LRMDA: variants seen among roughly 807,000 people sequenced by gnomAD.
LRMDA encodes the protein leucine rich melanocyte differentiation associated, also known as leucine-rich melanocyte differentiation-associated protein.
LRMDA carries 18 observed loss-of-function variants against 29.8 expected under a neutral mutation model. The ratio of observed to expected loss-of-function variants is 0.60; its 90% CI spans 0.42 to 0.90. The LOEUF is 0.90. Among genes scored for constraint, LRMDA ranks in the 40% least tolerant of loss-of-function variants. The pLI is 0.00. For synonymous variants in LRMDA, 125 were observed against 109.4 expected (o/e 1.14, Z -0.89); for missense variants, 273 against 273.9 (o/e 1.00, Z 0.02).
intron 2 of LRMDA, among the ~76,000 whole-genome samples, chr10:75,923,158 T>C (rs1454281867): frequency 1.3e-5 from 2 of 152,236 alleles, no homozygotes; most frequent in African/African-American, 2.4e-5. Context: ...TCTTCCATAG[T>C]CACTGAATTT....
intron 5 of LRMDA, among the ~76,000 whole-genome samples, chr10:76,146,910 G>T (rs1412950568): frequency 6.6e-6 from 1 of 152,126 alleles, no homozygotes; most frequent in East Asian, 1.9e-4. Context: ...GCATTTGCTT[G>T]TCTGTAAAGT....
intron 2 of LRMDA, among the ~76,000 whole-genome samples, chr10:75,633,899 A>G (rs1841358395): frequency 6.6e-6 from 1 of 152,228 alleles, no homozygotes; most frequent in African/African-American, 2.4e-5. Context: ...TTAGTCAATA[A>G]AATAAAACCA....
chr10:76,551,281 G>A (rs1843491558), intron 6 of LRMDA, among the ~76,000 whole-genome samples: 1 of 151,142 alleles, frequency 6.6e-6, no homozygotes, highest in Non-Finnish European at 1.5e-5. Context: ...GTTCAATGGG[G>A]CAAATATTTA....
At chr10:75,617,707 G>T (rs1161855425) in intron 2 of LRMDA, among the ~76,000 whole-genome samples, 1 of 152,130 alleles carries the variant, frequency 6.6e-6, no homozygotes, top group Non-Finnish European at 1.5e-5. Flanking sequence ...CATTTTTCAG[G>T]ACTGCTCCAT....
At chr10:75,621,220 A>ACACACC (rs1554816448) in intron 2 of LRMDA, among the ~76,000 whole-genome samples, 7 of 132,030 alleles carry the variant, frequency 5.3e-5, no homozygotes, top group Non-Finnish European at 5.1e-5. Flanking sequence ...ACACACACAC[A>ACACACC]CACACCCACA....
intron 2 of LRMDA, among the ~76,000 whole-genome samples, chr10:75,616,249 T>TAGC (rs58265820): frequency 0.055 from 8,198 of 150,388 alleles, 536 homozygotes; most frequent in African/African-American, 0.15. Flanking sequence ...GTAGCAGCAG[T>TAGC]AGCAGCAGCA....
intron 2 of LRMDA, among the ~76,000 whole-genome samples, chr10:75,737,078 C>CAT (rs549396902): frequency 1.1e-3 from 170 of 151,454 alleles, no homozygotes; most frequent in African/African-American, 3.5e-3. Flanking sequence ...CACACACACA[C>CAT]GCACATGCAT....
intron 6 of LRMDA, among the ~76,000 whole-genome samples, chr10:76,412,246 G>A (rs1841969617): frequency 6.6e-6 from 1 of 152,198 alleles, no homozygotes; most frequent in South Asian, 2.1e-4. Flanking sequence ...CCCACATTGT[G>A]TAATTCTTAG....
chr10:75,882,488 C>T (rs1394290921), intron 2 of LRMDA, among the ~76,000 whole-genome samples: 1 of 152,104 alleles, frequency 6.6e-6, no homozygotes, highest in Non-Finnish European at 1.5e-5. Flanking sequence ...ACAGGTATCT[C>T]AAGATGGAGT....
At chr10:76,276,701 G>A (rs1208564274) in intron 5 of LRMDA, among the ~76,000 whole-genome samples, 1 of 151,866 alleles carries the variant, frequency 6.6e-6, no homozygotes, top group Non-Finnish European at 1.5e-5. Context: ...GTAATTTTTG[G>A]CTTGTATCCT....
intron 2 of LRMDA, among the ~76,000 whole-genome samples, chr10:75,918,496 G>A (rs9415132): frequency 0.038 from 5,826 of 152,030 alleles, 450 homozygotes; most frequent in East Asian, 0.34. Flanking sequence ...ACCAGATCTC[G>A]CAGGAACTCA....
chr10:76,092,791 G>T (rs1310018160), intron 5 of LRMDA, among the ~76,000 whole-genome samples: 1 of 152,188 alleles, frequency 6.6e-6, no homozygotes, highest in East Asian at 1.9e-4. Flanking sequence ...TATTAAGGAA[G>T]TTGTGCAGGG....
intron 2 of LRMDA, among the ~76,000 whole-genome samples, chr10:75,855,318 G>A (rs1844806643): frequency 6.6e-6 from 1 of 152,206 alleles, no homozygotes; most frequent in Non-Finnish European, 1.5e-5. Flanking sequence ...CTGATGGCCA[G>A]TGATGATGAG....
At chr10:76,067,724 T>A (rs1848807636) in intron 5 of LRMDA, among the ~76,000 whole-genome samples, 1 of 152,124 alleles carries the variant, frequency 6.6e-6, no homozygotes, top group Non-Finnish European at 1.5e-5. Context: ...TGAAGAAGAA[T>A]AAGTTGGAAA....
intron 2 of LRMDA, among the ~76,000 whole-genome samples, chr10:75,772,810 T>C (rs1843258273): frequency 7.6e-6 from 1 of 132,372 alleles, no homozygotes; most frequent in Non-Finnish European, 1.6e-5. Flanking sequence ...AGAGCACATT[T>C]CATAGCCAGA....
intron 5 of LRMDA, among the ~76,000 whole-genome samples, chr10:76,182,607 C>A (rs1851070065): frequency 6.6e-6 from 1 of 152,090 alleles, no homozygotes; most frequent in African/African-American, 2.4e-5. Flanking sequence ...TTTGAGTTCT[C>A]TTATCTCTCA....
intron 2 of LRMDA, among the ~76,000 whole-genome samples, chr10:75,754,137 C>T (rs1842998868): frequency 6.6e-6 from 1 of 152,202 alleles, no homozygotes; most frequent in Non-Finnish European, 1.5e-5. Flanking sequence ...CCTTCCATGC[C>T]TTTGGTTAGC....
chr10:75,916,552 C>T (rs1845939086), intron 2 of LRMDA, among the ~76,000 whole-genome samples: 1 of 152,198 alleles, frequency 6.6e-6, no homozygotes. Flanking sequence ...AAAACCGTCC[C>T]CACCCCACCA....
In LRMDA at chr10:75,856,960, A is replaced by G. The variant is rs188453626; in HGVS notation, c.132-179048A>G. ...ATTGTCTCAGCCCAAAATCTCCTTAAGCTGATAGGCAACTTCAGCAAAGTC... is the reference window on the plus strand; with the variant it reads ...ATTGTCTCAGCCCAAAATCTCCTTAGGCTGATAGGCAACTTCAGCAAAGTC... On this transcript the variant is annotated intron_variant, in intron 2 of 6. Transcript: ENST00000611255. Among the ~76,000 whole-genome samples the G allele has an allele frequency of 2.8e-3, 434 of 152,340 alleles. No individual in the cohort carries two copies. In the Middle Eastern group the frequency reaches 0.037, roughly 13 times the overall value.
Sources: gnomAD v4.1 joint callset for allele counts (sites outside exome capture counted in the v4.1 genomes callset) on GRCh38, gnomAD v4.1.1 for gene constraint, MANE v1.5 for transcripts, NCBI Gene and HGNC (gene_info 2026-07-23, HGNC 2026-07-21) for gene names.